Variants in CT45A10 observed in about 807,000 individuals in gnomAD.
CT45A10 encodes cancer/testis antigen family 45 member A10.
Under a neutral mutation model 8.3 loss-of-function variants are expected in CT45A10, and 19 were observed. That is an observed-to-expected ratio of 2.30 (90% CI 1.61 to 3.38). The LOEUF (loss-of-function observed/expected upper bound fraction) is 3.38, where lower values mean the gene tolerates loss of function less well. CT45A10 is among the 30% of genes most tolerant of loss of function. CT45A10 has a pLI of 0.00. For missense variants in CT45A10, 149 were observed against 85.9 expected, an observed-to-expected ratio of 1.73 and a Z score of -2.90; for synonymous variants, 28 against 26.5, an observed-to-expected ratio of 1.06 and a Z score of -0.17.
intron 1 of CT45A10, chrX:135,889,289 T>A: frequency 8.3e-6 from 1 of 121,143 alleles, no homozygotes; most frequent in African/African-American, 3.2e-5. Flanking sequence ...AGACCCTGGC[T>A]CTACAGAGCA....
chrX:135,883,071 G>A lies in CT45A10; in HGVS notation c.355C>T (p.Gln119Ter). Residue 119 changes from glutamine (Q) to a stop codon, truncating the protein, a stop_gained, in exon 3 of 5, where the codon CAA becomes TAA. Transcript: ENST00000682849. LOFTEE classifies it high-confidence loss of function. The part of the protein sequence containing the change: ...CRGIASSPKS[Q>*]QEINADIKCQ... ...TTTATATCAGCATTAATTTCTTGTT[G>A]GCTTTTGGGAGAGGAGGCTATTCCT... is the stretch of plus-strand genomic sequence containing the variant. 5.0e-6 allele frequency: 6 copies of A among 1,198,534 alleles called. 1 individual carries two copies. The highest frequency in any genetic ancestry group is 6.8e-6 in the Non-Finnish European group (6 of 885,662).
chrX:135,890,916 C>T (rs980604194), intron 1 of CT45A10, among the ~76,000 whole-genome samples: 3 of 111,656 alleles, frequency 2.7e-5, no homozygotes, highest in Non-Finnish European at 5.6e-5. Flanking sequence ...TAATTAAAAC[C>T]GTGTGGTATT....
chrX:135,892,553 A>T (rs2088516088), intron 1 of CT45A10, among the ~76,000 whole-genome samples: 1 of 110,820 alleles, frequency 9.0e-6, no homozygotes, highest in Non-Finnish European at 1.9e-5. Flanking sequence ...GGGGTGAGAC[A>T]GAGTTCCCAA....
intron 1 of CT45A10, among the ~76,000 whole-genome samples, chrX:135,889,501 A>G (rs1556589123): frequency 9.1e-6 from 1 of 110,292 alleles, no homozygotes; most frequent in African/African-American, 3.3e-5. Flanking sequence ...AGAAAGAAAG[A>G]AAAAGAAGCA....
chrX:135,883,252 A>T lies in CT45A10; in HGVS notation c.174T>A (p.Leu58=). ...TGGGTGGAATAGCATGTCCTGTCAT[A>T]AGCTCTGGTGAAACAAATTTTGAGT... ...AGSAMSKEKK[L]MTGHAIPPSQ... Residue 58 remains leucine (L), a synonymous_variant, in exon 3 of 5, where the codon CTT becomes CTA. Transcript: ENST00000682849. The T allele has an allele frequency of 1.7e-6, 2 of 1,196,759 alleles. No homozygotes were observed. The highest frequency in any genetic ancestry group is 2.3e-6 in the Non-Finnish European group (2 of 885,633).
At chrX:135,891,406 TATA>T (rs1390850634) in intron 1 of CT45A10, among the ~76,000 whole-genome samples, 2 of 107,384 alleles carry the variant, frequency 1.9e-5, no homozygotes, top group East Asian at 5.6e-4. Flanking sequence ...GTATATATAA[TATA>T]ATATTTTATA....
chrX:135,892,865 G>A (rs1009355060), intron 1 of CT45A10, among the ~76,000 whole-genome samples: 3 of 110,027 alleles, frequency 2.7e-5, no homozygotes, highest in South Asian at 4.0e-4. Flanking sequence ...TAAAGCCCGC[G>A]ACAGAGAGTG....
chrX:135,891,697 T>C (rs2148067468), intron 1 of CT45A10, among the ~76,000 whole-genome samples: 1 of 110,570 alleles, frequency 9.0e-6, no homozygotes, highest in African/African-American at 3.3e-5. Context: ...GGCAAAGATT[T>C]TCACTTAAAA....
chrX:135,892,018 G>A lies in CT45A10; in HGVS notation c.-7+1327C>T, dbSNP rs782320201. On this transcript the variant is annotated intron_variant, in intron 1 of 4. Transcript: ENST00000682849. The stretch of plus-strand genomic sequence containing the variant: ...CAATAAACACATGAAAAAGTGCTCC[G>A]AAAAAAAAAAAACAATAAATAGCTG... Among the ~76,000 whole-genome samples, 477 of 98,192 alleles carry A rather than the reference G, an allele frequency of 4.9e-3. 3 individuals are homozygous for A. The highest frequency in any genetic ancestry group is 0.015 in the African/African-American group (399 of 26,663). The allele number at this position is 98,192 out of a possible 115,157, so 85.3% of individuals were successfully genotyped here. A position where few individuals can be genotyped will look rare whatever the true frequency, so the allele number is the denominator to read the frequency against.
intron 1 of CT45A10, among the ~76,000 whole-genome samples, chrX:135,889,843 A>G (rs1158224522): frequency 9.4e-6 from 1 of 105,964 alleles, no homozygotes; most frequent in Non-Finnish European, 2.0e-5. Context: ...AAAAAAAAAA[A>G]AAGTAAAATA....
At chrX:135,892,618 G>T (rs1048596179) in intron 1 of CT45A10, among the ~76,000 whole-genome samples, 14 of 110,477 alleles carry the variant, frequency 1.3e-4, no homozygotes, top group African/African-American at 4.3e-4. Context: ...CCCACCACAG[G>T]CTCAGAGAAT....
intron 3 of CT45A10, among the ~76,000 whole-genome samples, 175 bp downstream of exon 3, chrX:135,882,833 A>G (rs1444587251): frequency 9.5e-6 from 1 of 105,628 alleles, no homozygotes; most frequent in African/African-American, 3.5e-5. Flanking sequence ...CAAGTAAGAA[A>G]AGAAAAAGAA....
chrX:135,892,994 AC>A (rs782201139), intron 1 of CT45A10, among the ~76,000 whole-genome samples: 1 of 110,422 alleles, frequency 9.1e-6, no homozygotes, highest in African/African-American at 3.3e-5. Flanking sequence ...CAGGGAAGAA[AC>A]ACGGCCACAC....
At chrX:135,889,710 G>A (rs2088481085) in intron 1 of CT45A10, among the ~76,000 whole-genome samples, 1 of 109,042 alleles carries the variant, frequency 9.2e-6, no homozygotes, top group Non-Finnish European at 1.9e-5. Context: ...AATTAGCCAG[G>A]TGTGGTGGCA....
At chrX:135,881,821 G>T (rs1349738709) in intron 4 of CT45A10, among the ~76,000 whole-genome samples, 1 of 31,465 alleles carries the variant, frequency 3.2e-5, no homozygotes, top group African/African-American at 1.1e-4. Context: ...GCAACAACAC[G>T]GATAGAACCG....
chrX:135,892,378 A>G, intron 1 of CT45A10, among the ~76,000 whole-genome samples: 1 of 112,315 alleles, frequency 8.9e-6, no homozygotes, highest in Middle Eastern at 4.6e-3. Flanking sequence ...ATGAAAGAAT[A>G]ATTGCACAGT....
intron 1 of CT45A10, among the ~76,000 whole-genome samples, chrX:135,890,087 C>G (rs2088486549): frequency 1.8e-5 from 2 of 112,305 alleles, no homozygotes; most frequent in African/African-American, 6.5e-5. Context: ...AAGTTGTAAG[C>G]CTCTAAAAAG....
In CT45A10 at chrX:135,883,007, C is replaced by T. The variant is rs1362255538; in HGVS notation, c.418+1G>A. The T allele has an allele frequency of 1.7e-6, 2 of 1,198,119 alleles. No homozygotes were observed. The highest frequency in any genetic ancestry group is 2.3e-6 in the Non-Finnish European group (2 of 885,299). On this transcript the variant is annotated splice_donor_variant, in intron 3 of 4. Coordinates refer to ENST00000682849, the MANE Select transcript of CT45A10 (RefSeq NM_001291529.2). LOFTEE classifies it high-confidence loss of function. ...AAAACAGACGTTCTTACACTACTTA[C>T]TTCGTCCAAGGCATCGGATTTCCTT...
At chrX:135,888,171 A>T (rs1266429404) in intron 1 of CT45A10, among the ~76,000 whole-genome samples, 1 of 113,519 alleles carries the variant, frequency 8.8e-6, no homozygotes, top group East Asian at 2.7e-4. Flanking sequence ...CCTACAGATA[A>T]TAATTTTAAA....
Sources: gnomAD v4.1 joint callset for allele counts (sites outside exome capture counted in the v4.1 genomes callset) on GRCh38, gnomAD v4.1.1 for gene constraint, MANE v1.5 for transcripts, NCBI Gene and HGNC (gene_info 2026-07-23, HGNC 2026-07-21) for gene names.